Variants in RAPGEF4 observed in about 807,000 individuals in gnomAD.
The protein encoded by RAPGEF4 is RAP guanine-nucleotide-exchange factor (GEF) 4.
Under a neutral mutation model 147.9 loss-of-function variants are expected in RAPGEF4, and 66 were observed. That is an observed-to-expected ratio of 0.45 (90% CI 0.37 to 0.55). RAPGEF4 has a LOEUF of 0.55. RAPGEF4 is among the 20% of genes least tolerant of loss of function. The probability of loss-of-function intolerance (pLI) is 0.00; values close to 1 mark genes in which losing one functional copy is unlikely to be tolerated. For missense variants in RAPGEF4, 1,071 were observed against 1,257.3 expected (o/e 0.85, Z 2.24); for synonymous variants, 419 against 442.7 (o/e 0.95, Z 0.67).
intron 1 of RAPGEF4, among the ~76,000 whole-genome samples, chr2:172,748,981 A>G (rs923915736): frequency 3.9e-5 from 6 of 152,248 alleles, no homozygotes; most frequent in African/African-American, 1.4e-4. Context: ...TTGACTCCAC[A>G]TCTCACATCC....
intron 7 of RAPGEF4, 78 bp downstream of exon 7, chr2:172,960,891 G>A (rs1689221114): frequency 1.7e-6 from 2 of 1,210,510 alleles, no homozygotes; most frequent in Admixed American, 2.2e-5. Flanking sequence ...TATGTCAGGG[G>A]ATCACATCAG....
At chr2:172,868,478 G>A (rs1694866951) in intron 4 of RAPGEF4, among the ~76,000 whole-genome samples, 1 of 152,180 alleles carries the variant, frequency 6.6e-6, no homozygotes, top group Non-Finnish European at 1.5e-5. Flanking sequence ...ATGTAATGGG[G>A]AAGGGAGACA....
At chr2:173,026,423 G>T (rs542605374) in intron 23 of RAPGEF4, 149 bp from the exon 24 acceptor site, 5 of 769,794 alleles carry the variant, frequency 6.5e-6, no homozygotes, top group Non-Finnish European at 9.8e-6. Context: ...CTAGCGTTGC[G>T]AGCAGAGGCA....
At chr2:172,852,106 T>C (rs1031860885) in intron 4 of RAPGEF4, among the ~76,000 whole-genome samples, 1 of 152,240 alleles carries the variant, frequency 6.6e-6, no homozygotes, top group African/African-American at 2.4e-5. Flanking sequence ...TTTGTTTGTG[T>C]AACTGTATAG....
chr2:172,892,061 G>A (rs1697978836), intron 4 of RAPGEF4, among the ~76,000 whole-genome samples: 1 of 152,148 alleles, frequency 6.6e-6, no homozygotes, highest in Admixed American at 6.5e-5. Context: ...GAAAATGGAT[G>A]AATGGCAGTT....
chr2:172,990,271 A>T (rs1334419672), intron 14 of RAPGEF4, among the ~76,000 whole-genome samples: 1 of 152,224 alleles, frequency 6.6e-6, no homozygotes, highest in Non-Finnish European at 1.5e-5. Flanking sequence ...TCTTTGAACG[A>T]ATCAGATTAG....
intron 4 of RAPGEF4, among the ~76,000 whole-genome samples, chr2:172,826,407 G>A (rs545094815): frequency 1.3e-5 from 2 of 151,990 alleles, no homozygotes; most frequent in South Asian, 2.1e-4. Flanking sequence ...ATTTGTTATG[G>A]GTTTTAGTTT....
At chr2:172,997,480 A>C (rs1285406587) in intron 16 of RAPGEF4, among the ~76,000 whole-genome samples, 1 of 152,208 alleles carries the variant, frequency 6.6e-6, no homozygotes, top group Non-Finnish European at 1.5e-5. Flanking sequence ...ACAATTCAAC[A>C]CATAACATCT....
At chr2:172,831,969 T>C (rs894804005) in intron 4 of RAPGEF4, among the ~76,000 whole-genome samples, 1 of 152,204 alleles carries the variant, frequency 6.6e-6, no homozygotes, top group African/African-American at 2.4e-5. Flanking sequence ...CTGCCATATA[T>C]TGAGTTCGTA....
At position 172,988,771 on chromosome 2, in the gene RAPGEF4, A is replaced by G. The variant is rs1355489734; in HGVS notation, c.1306A>G (p.Ile436Val). The G allele has an allele frequency of 6.2e-7, 1 of 1,613,112 alleles. No individual in the cohort carries two copies. ...LVNDAPRAAS[I>V]VLREDNCHFL... ...GAATGATGCCCCACGAGCTGCCTCT[A>G]TCGTCTTACGAGAAGATAACTGCCA... The change falls in exon 14 of 31, where the codon ATC (isoleucine) becomes GTC (valine). Residue 436 changes from isoleucine (I) to valine (V), a missense_variant. By Grantham distance (29) the Ile-to-Val change is conservative (BLOSUM62 3). Coordinates refer to ENST00000397081, the MANE Select transcript of RAPGEF4 (RefSeq NM_007023.4).
chr2:172,922,055 C>G (rs915702338), intron 5 of RAPGEF4, among the ~76,000 whole-genome samples: 1 of 152,158 alleles, frequency 6.6e-6, no homozygotes, highest in Admixed American at 6.5e-5. Context: ...CAAAATAAGC[C>G]TGGGTTTTGG....
chr2:172,752,502 G>A (rs1695390547), intron 1 of RAPGEF4, among the ~76,000 whole-genome samples: 1 of 152,160 alleles, frequency 6.6e-6, no homozygotes, highest in South Asian at 2.1e-4. Context: ...TGTGATGTTA[G>A]GGCACCATAT....
At chr2:172,982,924 C>T (rs143759213) in intron 10 of RAPGEF4, among the ~76,000 whole-genome samples, 2 of 152,296 alleles carry the variant, frequency 1.3e-5, no homozygotes, top group East Asian at 3.9e-4. Flanking sequence ...GCCTTCTCTT[C>T]ATCTCATGCC....
chr2:172,962,065 G>A (rs1027909767), intron 8 of RAPGEF4, among the ~76,000 whole-genome samples: 16 of 152,174 alleles, frequency 1.1e-4, no homozygotes, highest in Admixed American at 2.6e-4. Context: ...CTGAACCATG[G>A]TGGGCCAGTT....
In RAPGEF4 at chr2:172,857,379, G is replaced by A. The variant is rs141257788; in HGVS notation, c.444+42954G>A. 4.9e-3 allele frequency among the ~76,000 whole-genome samples: 744 copies of A among 152,308 alleles called. 1 individual carries two copies. Among genetic ancestry groups the A allele is most frequent in the Non-Finnish European group, 6.8e-3 (464 of 68,026 alleles). ...ATTCTGGAACGTATAGGGCCTTATGGTGTCAATTCCTTATGCACCAGACTC... is the reference window on the plus strand; with the variant it reads ...ATTCTGGAACGTATAGGGCCTTATGATGTCAATTCCTTATGCACCAGACTC... On this transcript the variant is annotated intron_variant, in intron 4 of 30. Transcript: ENST00000397081.
intron 25 of RAPGEF4, among the ~76,000 whole-genome samples, chr2:173,028,162 G>C (rs1293305721): frequency 6.6e-6 from 1 of 152,180 alleles, no homozygotes; most frequent in Non-Finnish European, 1.5e-5. Context: ...ACAACTTGAG[G>C]GTTCAATAGA....
At chr2:172,950,393 C>T (rs748481570) in intron 6 of RAPGEF4, among the ~76,000 whole-genome samples, 24 of 152,276 alleles carry the variant, frequency 1.6e-4, no homozygotes, top group Non-Finnish European at 2.5e-4. Context: ...TCAGCAAATA[C>T]TGAAATCACG....
chr2:172,758,596 T>A (rs1696001120), intron 1 of RAPGEF4, among the ~76,000 whole-genome samples: 2 of 152,142 alleles, frequency 1.3e-5, no homozygotes, highest in Admixed American at 1.3e-4. Context: ...GTAGGATACA[T>A]TTTGGAGGTA....
chr2:172,765,958 G>A (rs1696797106), intron 1 of RAPGEF4, among the ~76,000 whole-genome samples: 1 of 152,168 alleles, frequency 6.6e-6, no homozygotes, highest in African/African-American at 2.4e-5. Flanking sequence ...TGAACCCTGG[G>A]CTGTTCTCTG....
Sources: gnomAD v4.1 joint callset for allele counts (sites outside exome capture counted in the v4.1 genomes callset) on GRCh38, gnomAD v4.1.1 for gene constraint, MANE v1.5 for transcripts, NCBI Gene and HGNC (gene_info 2026-07-23, HGNC 2026-07-21) for gene names.